Variants in STAG1 observed in about 807,000 individuals in gnomAD.
STAG1 encodes STAG1 cohesin complex component.
STAG1 carries 26 observed loss-of-function variants against 170.9 expected under a neutral mutation model. The observed-to-expected ratio is 0.15, with a 90% CI of 0.11 to 0.21. The LOEUF is 0.21. Ranked by LOEUF, STAG1 falls within the 10% of genes least tolerant of loss-of-function variation. The pLI is 1.00. For synonymous variants in STAG1, 514 were observed against 497.7 expected (o/e 1.03, Z -0.44); for missense variants, 964 against 1,509.5 (o/e 0.64, Z 5.99).
Position 136,521,328 on chromosome 3 carries a change from T to A in STAG1, c.561A>T (p.Arg187=). Residue 187 remains arginine (R), a synonymous_variant, in exon 7 of 34, where the codon CGA becomes CGT. Transcript: ENST00000383202. ...NFCEFIGVLI[R]QCQYSIIYDE... Reference sequence around the variant, plus strand: ...CATAAATTATGCTATACTGACACTGTCGAATCAGGACTCCAATAAATTCAC... The same window carrying A: ...CATAAATTATGCTATACTGACACTGACGAATCAGGACTCCAATAAATTCAC... 1 of 1,613,794 alleles carries A rather than the reference T, an allele frequency of 6.2e-7. No individual in the cohort carries two copies. The highest frequency in any genetic ancestry group is 8.5e-7 in the Non-Finnish European group (1 of 1,179,790).
intron 1 of STAG1, among the ~76,000 whole-genome samples, chr3:136,649,210 G>A (rs1045649738): frequency 9.2e-5 from 14 of 152,226 alleles, no homozygotes; most frequent in East Asian, 1.9e-4. Context: ...GGCCAGGGGC[G>A]GTGGCTTGTG....
chr3:136,732,314 C>A lies in STAG1; in HGVS notation c.-84+19881G>T, dbSNP rs1934090128. On this transcript the variant is annotated intron_variant, in intron 1 of 33. Transcript: ENST00000383202. ...CCCAATGGGAGGAAAAAGTAGTAAG[C>A]CATCATCTTATTTTGTCTAGAGGTA... Among the ~76,000 whole-genome samples, 2 of 150,842 alleles carry A rather than the reference C, an allele frequency of 1.3e-5. 1 individual carries two copies. The highest frequency in any genetic ancestry group is 4.2e-4 in the South Asian group (2 of 4,790).
intron 4 of STAG1, among the ~76,000 whole-genome samples, chr3:136,592,556 T>C (rs546794443): frequency 1.3e-5 from 2 of 152,276 alleles, no homozygotes; most frequent in African/African-American, 2.4e-5. Flanking sequence ...CTTGCCCATA[T>C]ATTCAACTCC....
chr3:136,461,297 T>C (rs1278066308), intron 13 of STAG1, among the ~76,000 whole-genome samples: 1 of 152,150 alleles, frequency 6.6e-6, no homozygotes, highest in Non-Finnish European at 1.5e-5. Flanking sequence ...TCACCACTTT[T>C]ATACAACATA....
chr3:136,472,050 T>A (rs2089640871), intron 12 of STAG1, among the ~76,000 whole-genome samples: 1 of 152,114 alleles, frequency 6.6e-6, no homozygotes, highest in African/African-American at 2.4e-5. Flanking sequence ...TTGCCCAGGC[T>A]GGTCTTGAAC....
chr3:136,749,423 A>G (rs1935115384), intron 1 of STAG1, among the ~76,000 whole-genome samples: 1 of 152,196 alleles, frequency 6.6e-6, no homozygotes, highest in South Asian at 2.1e-4. Context: ...TATCACAAGG[A>G]AATTAATTGT....
chr3:136,514,612 C>T (rs764056259), intron 7 of STAG1, among the ~76,000 whole-genome samples: 3 of 152,090 alleles, frequency 2.0e-5, no homozygotes, highest in Non-Finnish European at 2.9e-5. Context: ...CACATGCATA[C>T]GTATATTTAC....
intron 4 of STAG1, among the ~76,000 whole-genome samples, chr3:136,589,369 G>C (rs1938026708): frequency 6.6e-6 from 1 of 152,030 alleles, no homozygotes; most frequent in Non-Finnish European, 1.5e-5. Context: ...GCAAGGTGTG[G>C]TGGCGTGTGC....
intron 5 of STAG1, among the ~76,000 whole-genome samples, chr3:136,551,912 T>TGA (rs1244340572): frequency 6.6e-6 from 1 of 150,818 alleles, no homozygotes; most frequent in Non-Finnish European, 1.5e-5. Flanking sequence ...GAGAAAGACA[T>TGA]GAGAGAGAGA....
chr3:136,577,536 T>G (rs182185892), intron 4 of STAG1, among the ~76,000 whole-genome samples: 1 of 152,258 alleles, frequency 6.6e-6, no homozygotes, highest in Admixed American at 6.5e-5. Context: ...GGAAGTAGCT[T>G]GCTTTCCAAG....
chr3:136,722,259 T>A (rs1933327536), intron 1 of STAG1, among the ~76,000 whole-genome samples: 1 of 152,180 alleles, frequency 6.6e-6, no homozygotes, highest in African/African-American at 2.4e-5. Flanking sequence ...TACCTCATAG[T>A]AGCCTCACTA....
At chr3:136,722,416 AAAT>A (rs1410482292) in intron 1 of STAG1, among the ~76,000 whole-genome samples, 2 of 152,184 alleles carry the variant, frequency 1.3e-5, no homozygotes, top group Admixed American at 1.3e-4. Flanking sequence ...CCCAGAAATA[AAAT>A]AATAATTAAA....
chr3:136,556,820 A>G (rs1212935983), intron 5 of STAG1, among the ~76,000 whole-genome samples: 2 of 152,010 alleles, frequency 1.3e-5, no homozygotes, highest in African/African-American at 4.8e-5. Context: ...TGGGCTCAAG[A>G]GATTCACCCA....
At position 136,422,458 on chromosome 3, in the gene STAG1, A is replaced by G. The variant is rs1365277936; in HGVS notation, c.1989T>C (p.Asp663=). The change falls in exon 19 of 34, where the codon GAT becomes GAC. Residue 663 remains aspartate, a synonymous_variant. Coordinates refer to ENST00000383202, the MANE Select transcript of STAG1 (RefSeq NM_005862.3). ...RVDIARSQLI[D]EFVDRFNHSV... ...AATGATTGAATCGATCTACAAACTC[A>G]TCAATCAGCTGGCTTCGAGCTATGT... 2.5e-6 allele frequency: 4 copies of G among 1,614,068 alleles called. No individual in the cohort carries two copies. In the Admixed American group the frequency reaches 5.0e-5, roughly 20 times the overall value.
chr3:136,474,387 C>T (rs1407000384), intron 10 of STAG1, among the ~76,000 whole-genome samples: 1 of 152,114 alleles, frequency 6.6e-6, no homozygotes, highest in Non-Finnish European at 1.5e-5. Flanking sequence ...TAGCTACATG[C>T]AAGATGTTAA....
Position 136,728,518 on chromosome 3 carries a change from A to G in STAG1, c.-84+23677T>C, listed in dbSNP as rs140174751. Among the ~76,000 whole-genome samples the G allele has an allele frequency of 9.8e-4, 149 of 152,332 alleles. 1 individual carries two copies. The highest frequency in any genetic ancestry group is 3.5e-3 in the African/African-American group (146 of 41,588). ...TGCCTCAGTTTTTTCATCTGTAAAG[A>G]GACTTAGCCCTACCCACCACATGGG... On this transcript the variant is annotated intron_variant, in intron 1 of 33. Transcript: ENST00000383202.
intron 5 of STAG1, among the ~76,000 whole-genome samples, chr3:136,566,666 A>G (rs1937085779): frequency 1.3e-5 from 2 of 152,240 alleles, no homozygotes; most frequent in African/African-American, 2.4e-5. Context: ...ATTTTAATAT[A>G]TCACTGATGA....
chr3:136,554,482 T>G (rs1936527713), intron 5 of STAG1, among the ~76,000 whole-genome samples: 1 of 152,194 alleles, frequency 6.6e-6, no homozygotes, highest in African/African-American at 2.4e-5. Context: ...AAGCTGACCA[T>G]ACAACCTTGA....
At chr3:136,734,758 A>G (rs889097802) in intron 1 of STAG1, among the ~76,000 whole-genome samples, 1 of 152,166 alleles carries the variant, frequency 6.6e-6, no homozygotes, top group Non-Finnish European at 1.5e-5. Context: ...GCTTTTTAAG[A>G]GAAGAACCTA....
Sources: allele counts gnomAD v4.1 joint callset (sites outside exome capture counted in the v4.1 genomes callset), GRCh38; gene constraint gnomAD v4.1.1; transcripts MANE v1.5; gene names NCBI Gene and HGNC (gene_info 2026-07-23, HGNC 2026-07-21).